Variants in EME2 observed in about 807,000 individuals in gnomAD.
EME2 encodes structure-specific endonuclease subunit EME2.
In EME2, 58 loss-of-function variants were observed where a neutral mutation model predicts 41.9. That is an observed-to-expected ratio of 1.38 (90% CI 1.12 to 1.72). The LOEUF (loss-of-function observed/expected upper bound fraction) is 1.72, where lower values mean the gene tolerates loss of function less well. Among genes scored for constraint, EME2 ranks in the 40% most tolerant of loss-of-function variants. The pLI, the probability that EME2 is intolerant of heterozygous loss-of-function variation, is 0.00. For synonymous variants in EME2, 334 were observed against 239.3 expected, an observed-to-expected ratio of 1.40 and a Z score of -3.65; for missense variants, 695 against 541.9, an observed-to-expected ratio of 1.28 and a Z score of -2.81.
Position 1,780,780 on chromosome 16 carries a change from TG to T in EME2, c.*4544del, listed in dbSNP as rs1896681526. On this transcript the variant is annotated 3_prime_UTR_variant, in exon 8 of 8. Coordinates refer to ENST00000568449, the MANE Select transcript of EME2 (RefSeq NM_001257370.2). ...CAGGGTCTAGCTCTGTCACCCAGGCTGGAACGCACTGGTGTGATCACGGCTC... is the reference window on the plus strand; with the variant it reads ...CAGGGTCTAGCTCTGTCACCCAGGCTGAACGCACTGGTGTGATCACGGCTC... 5.3e-6 allele frequency: 1 copy of T among 188,110 alleles called. No individual in the cohort carries two copies. Among genetic ancestry groups the T allele is most frequent in the Non-Finnish European group, 1.1e-5 (1 of 88,240 alleles). The allele number at this position is 188,110 out of a possible 1,614,324, so 11.7% of individuals were successfully genotyped here.
intron 3 of EME2, 57 bp from the exon 4 acceptor site, chr16:1,774,984 C>G: frequency 7.2e-7 from 1 of 1,392,954 alleles, no homozygotes; most frequent in Admixed American, 1.8e-5. Context: ...CCTGGTGGCC[C>G]ATGGCCATAG....
rs370198184 is a variant in EME2, at chr16:1,778,412, C to G, written c.*2174C>G. The stretch of plus-strand genomic sequence containing the variant: ...AGGCCCGCCCGCAGTGCAGTCCCAG[C>G]AGGGGCTGGGCCCCACGCTCACACT... On this transcript the variant is annotated 3_prime_UTR_variant, in exon 8 of 8. Coordinates refer to ENST00000568449, the MANE Select transcript of EME2 (RefSeq NM_001257370.2). 41 of 1,605,796 alleles carry G rather than the reference C, an allele frequency of 2.6e-5. No individual in the cohort carries two copies. In the African/African-American group the frequency reaches 2.9e-4, roughly 12 times the overall value.
At chr16:1,774,824 G>A in intron 3 of EME2, 2 of 617,082 alleles carry the variant, frequency 3.2e-6, no homozygotes, top group Non-Finnish European at 5.8e-6. Flanking sequence ...GAACTGACAT[G>A]TGCCCGAGCA....
chr16:1,778,016 C>G lies in EME2; in HGVS notation c.*1778C>G, dbSNP rs753079285. The G allele has an allele frequency of 8.7e-6, 14 of 1,613,134 alleles. No homozygotes were observed. The highest frequency in any genetic ancestry group is 1.6e-4 in the Middle Eastern group (1 of 6,084). ...TGCAGAACGTGTGGCGGTATTTGTC[C>G]AGGTCCACATCCGACGTCCCGATGC... On this transcript the variant is annotated 3_prime_UTR_variant, in exon 8 of 8. Coordinates refer to ENST00000568449, the MANE Select transcript of EME2 (RefSeq NM_001257370.2).
Position 1,776,139 on chromosome 16 carries a change from AGGCG to A in EME2, c.1046_1049del (p.Gly349ValfsTer17), listed in dbSNP as rs768129937. The A allele has an allele frequency of 9.3e-6, 15 of 1,612,272 alleles. No individual in the cohort carries two copies. In the East Asian group the frequency reaches 3.3e-4, roughly 36 times the overall value. On this transcript the variant is annotated frameshift_variant, in exon 8 of 8. Transcript: ENST00000568449. LOFTEE classifies it low-confidence loss of function (END_TRUNC). Reference sequence around the variant, plus strand: ...CCGACCTTCCTGTGCCGCCCAGTGAAGGCGGGCGTCCCCGCAGGGTGGGGCCTGA... The same window carrying A: ...CCGACCTTCCTGTGCCGCCCAGTGAAGGCGTCCCCGCAGGGTGGGGCCTGA...
At position 1,776,164 on chromosome 16, in the gene EME2, C is replaced by T. The variant is rs756061641; in HGVS notation, c.1066C>T (p.Pro356Ser). 6.2e-7 allele frequency: 1 copy of T among 1,612,518 alleles called. No homozygotes were observed. The highest frequency in any genetic ancestry group is 8.5e-7 in the Non-Finnish European group (1 of 1,179,956). ...SEGGRPRRVG[P>S]DLSRRICLFL... ...AGGCGGGCGTCCCCGCAGGGTGGGGCCTGACCTCTCCCGCCGCATCTGCCT... is the reference window on the plus strand; with the variant it reads ...AGGCGGGCGTCCCCGCAGGGTGGGGTCTGACCTCTCCCGCCGCATCTGCCT... The change falls in exon 8 of 8, where the codon CCT (proline) becomes TCT (serine). Residue 356 changes from proline (P) to serine (S), a missense_variant. Coordinates refer to ENST00000568449, the MANE Select transcript of EME2 (RefSeq NM_001257370.2).
chr16:1,777,235 G>C lies in EME2; in HGVS notation c.*997G>C. On this transcript the variant is annotated 3_prime_UTR_variant, in exon 8 of 8. Coordinates refer to ENST00000568449, the MANE Select transcript of EME2 (RefSeq NM_001257370.2). The stretch of plus-strand genomic sequence containing the variant: ...TGCTCAGGACCCAGCCCAGCTTGTT[G>C]TGTAGCACCTGCTTGAGGCCCGGCG... 1 of 1,610,824 alleles carries C rather than the reference G, an allele frequency of 6.2e-7. No individual in the cohort carries two copies. Among genetic ancestry groups the C allele is most frequent in the Non-Finnish European group, 8.5e-7 (1 of 1,179,840 alleles).
intron 3 of EME2, among the ~76,000 whole-genome samples, chr16:1,774,640 GC>G (rs2141981988): frequency 6.6e-6 from 1 of 152,390 alleles, no homozygotes; most frequent in African/African-American, 2.4e-5. Flanking sequence ...AGACAGCCTG[GC>G]CCCTGCCTGC....
rs760036745 is a variant in EME2 at position 1,781,265 on chromosome 16, G to T, written c.*5027G>T. 3.7e-6 allele frequency: 6 copies of T among 1,609,072 alleles called. No individual in the cohort carries two copies. Among genetic ancestry groups the T allele is most frequent in the South Asian group, 1.1e-5 (1 of 90,750 alleles). ...TAGCCTCAGAAGCATCTTTTTCTCC[G>T]ACTGATTCCGTGTTCAGGTAATGTC... On this transcript the variant is annotated 3_prime_UTR_variant, in exon 8 of 8. Transcript: ENST00000568449.
chr16:1,778,197 C>T lies in EME2; in HGVS notation c.*1959C>T, dbSNP rs762239308. On this transcript the variant is annotated 3_prime_UTR_variant, in exon 8 of 8. Transcript: ENST00000568449. ...CCCAGAAGTGCTGGCCCTCCCCCAG[C>T]TCCTTGGTGCCCCGGATGGCCGCTG... is the stretch of plus-strand genomic sequence containing the variant. 18 of 1,612,874 alleles carry T rather than the reference C, an allele frequency of 1.1e-5. No individual in the cohort carries two copies. In the African/African-American group the frequency reaches 2.0e-4, roughly 18 times the overall value.
rs975620241 is a variant in EME2 at position 1,776,479 on chromosome 16, C to T, written c.*241C>T. The T allele has an allele frequency of 5.6e-5, 23 of 412,768 alleles. No homozygotes were observed. Among genetic ancestry groups the T allele is most frequent in the Non-Finnish European group, 8.7e-5 (21 of 240,602 alleles). The allele number at this position is 412,768 out of a possible 1,614,324, so 25.6% of individuals were successfully genotyped here. The stretch of plus-strand genomic sequence containing the variant: ...TGTGCTGAGTCCTGAACACGTAGGC[C>T]CCAGGGGAGGCCTCAGCAGCAGGGC... On this transcript the variant is annotated 3_prime_UTR_variant, in exon 8 of 8. Coordinates refer to ENST00000568449, the MANE Select transcript of EME2 (RefSeq NM_001257370.2).
In EME2 at chr16:1,773,070, C is replaced by G. The variant is rs1442786416; in HGVS notation, c.-158C>G. The G allele has an allele frequency of 4.2e-6, 6 of 1,416,242 alleles. No homozygotes were observed. The Admixed American group carries it at 9.6e-5, about 23-fold the overall frequency. The allele number at this position is 1,416,242 out of a possible 1,614,324, so 87.7% of individuals were successfully genotyped here. On this transcript the variant is annotated 5_prime_UTR_variant, in exon 1 of 8. Coordinates refer to ENST00000568449, the MANE Select transcript of EME2 (RefSeq NM_001257370.2). ...CAGTTGCTCCCGCAGGGCGCGCACG[C>G]GGCGGGCCAGCTCCGCGATCAGCCG...
chr16:1,773,845 A>T lies in EME2; in HGVS notation c.384+4A>T, dbSNP rs763227586. On this transcript the variant is annotated splice_donor_region_variant and intron_variant, in intron 2 of 7. Transcript: ENST00000568449. ...TCCCGACCCCTGCCCCCGCAGCGTG[A>T]GTGGTCGCGGGTTCCCGAGGGCCAG... is the stretch of plus-strand genomic sequence containing the variant. 2 of 1,538,592 alleles carry T rather than the reference A, an allele frequency of 1.3e-6. No homozygotes were observed. Among genetic ancestry groups the T allele is most frequent in the South Asian group, 1.2e-5 (1 of 82,444 alleles).
rs763553959 is a variant in EME2, at chr16:1,776,061, C to A, written c.970-7C>A. The A allele has an allele frequency of 1.2e-6, 2 of 1,606,988 alleles. No individual in the cohort carries two copies. Among genetic ancestry groups the A allele is most frequent in the Non-Finnish European group, 1.7e-6 (2 of 1,177,512 alleles). ...AGGCGCCCTCTCATGCCTTTGCCTG[C>A]TCCTAGGCGCTGGAGGCCTGCAGCA... On this transcript the variant is annotated splice_polypyrimidine_tract_variant and splice_region_variant and intron_variant, in intron 7 of 7. Transcript: ENST00000568449.
intron 3 of EME2, 180 bp from the exon 4 acceptor site, chr16:1,774,861 T>C (rs2042684906): frequency 1.5e-6 from 1 of 665,336 alleles, no homozygotes; most frequent in South Asian, 1.7e-5. Context: ...CTTAGCCTCT[T>C]TGGCCTCGTG....
chr16:1,773,916 T>TCCCTGAGGCAGCTG, intron 2 of EME2, 75 bp downstream of exon 2: 1 of 1,457,452 alleles, frequency 6.9e-7, no homozygotes, highest in South Asian at 1.4e-5. Flanking sequence ...CCTGGAGCTG[T>TCCCTGAGGCAGCTG]CCCTGAGGCA....
rs140094914 is a variant in EME2 at position 1,779,275 on chromosome 16, T to C, written c.*3037T>C. On this transcript the variant is annotated 3_prime_UTR_variant, in exon 8 of 8. Coordinates refer to ENST00000568449, the MANE Select transcript of EME2 (RefSeq NM_001257370.2). ...AACGTGAGCTCCTTGTGGGAGGCAG[T>C]GCCCCTCCCAGCCTCCTCCCTGTCA... is the stretch of plus-strand genomic sequence containing the variant. 3 of 152,416 alleles carry C rather than the reference T, an allele frequency of 2.0e-5. No homozygotes were observed. Among genetic ancestry groups the C allele is most frequent in the African/African-American group, 7.2e-5 (3 of 41,468 alleles). The allele number at this position is 152,416 out of a possible 1,614,324, so 9.4% of individuals were successfully genotyped here.
rs2042706198 is a variant in EME2 at position 1,775,974 on chromosome 16, C to T, written c.957C>T (p.Arg319=). 6.2e-7 allele frequency: 1 copy of T among 1,609,024 alleles called. No individual in the cohort carries two copies. The highest frequency in any genetic ancestry group is 8.5e-7 in the Non-Finnish European group (1 of 1,179,160). ...DAVVTAFPSP[R]LLQQALEACS... is the part of the protein sequence containing the mutation. ...TTGTCACAGCCTTCCCCTCCCCCCG[C>T]CTTCTGCAGCAGGTGGGCCCCTGCC... Residue 319 remains arginine, a synonymous_variant, in exon 7 of 8, where the codon CGC becomes CGT. Coordinates refer to ENST00000568449, the MANE Select transcript of EME2 (RefSeq NM_001257370.2).
Position 1,778,379 on chromosome 16 carries a change from C to T in EME2, c.*2141C>T. Reference sequence around the variant, plus strand: ...AGAGCTCCATGGGGCTCTGCCCTGCCCACCCCCAGGCCCGCCCGCAGTGCA... The same window carrying T: ...AGAGCTCCATGGGGCTCTGCCCTGCTCACCCCCAGGCCCGCCCGCAGTGCA... On this transcript the variant is annotated 3_prime_UTR_variant, in exon 8 of 8. Transcript: ENST00000568449. 6.2e-7 allele frequency: 1 copy of T among 1,608,022 alleles called. No homozygotes were observed. Among genetic ancestry groups the T allele is most frequent in the Non-Finnish European group, 8.5e-7 (1 of 1,178,086 alleles).
Sources: allele counts gnomAD v4.1 joint callset (sites outside exome capture counted in the v4.1 genomes callset), GRCh38; gene constraint gnomAD v4.1.1; transcripts MANE v1.5; gene names NCBI Gene and HGNC (gene_info 2026-07-23, HGNC 2026-07-21).